The following CADM1 variants were observed in gnomAD, a reference collection of about 807,000 sequenced individuals.
CADM1 encodes the protein cell adhesion molecule 1.
Under a neutral mutation model 53.1 loss-of-function variants are expected in CADM1, and 15 were observed. That is an observed-to-expected ratio of 0.28 (90% CI 0.19 to 0.44). The LOEUF is 0.44. Ranked by LOEUF, CADM1 falls within the 20% of genes least tolerant of loss-of-function variation. The pLI is 1.00. For synonymous variants in CADM1, 281 were observed against 243.0 expected (o/e 1.16, Z -1.45); for missense variants, 434 against 611.3 (o/e 0.71, Z 3.06).
At chr11:115,284,085 A>ACTCTCTCTCTCT (rs1449186377) in intron 1 of CADM1, among the ~76,000 whole-genome samples, 32 of 23,286 alleles carry the variant, frequency 1.4e-3, no homozygotes, top group African/African-American at 4.0e-3. Flanking sequence ...ACAAGCCCAG[A>ACTCTCTCTCTCT]CACTCTCTCT....
At chr11:115,240,548 T>A (rs774219914) in intron 1 of CADM1, 128 bp from the exon 2 acceptor site, 1 of 929,130 alleles carries the variant, frequency 1.1e-6, no homozygotes, top group South Asian at 1.4e-5. Flanking sequence ...AGCATGGCTC[T>A]AATACCTTTC....
intron 1 of CADM1, among the ~76,000 whole-genome samples, chr11:115,302,528 T>C (rs1410215148): frequency 6.6e-6 from 1 of 152,100 alleles, no homozygotes; most frequent in Non-Finnish European, 1.5e-5. Context: ...TTATATTTTC[T>C]AGATTTTGTG....
chr11:115,291,529 C>T (rs1407593571), intron 1 of CADM1, among the ~76,000 whole-genome samples: 4 of 152,184 alleles, frequency 2.6e-5, no homozygotes, highest in East Asian at 1.9e-4. Flanking sequence ...CAATCCACCC[C>T]GCAGCGCTCA....
intron 1 of CADM1, among the ~76,000 whole-genome samples, chr11:115,321,945 G>A (rs2135189637): frequency 6.6e-6 from 1 of 152,256 alleles, no homozygotes; most frequent in South Asian, 2.1e-4. Context: ...TCACAACAGA[G>A]CACTGGCATC....
chr11:115,343,083 T>C (rs1945490151), intron 1 of CADM1, among the ~76,000 whole-genome samples: 1 of 152,202 alleles, frequency 6.6e-6, no homozygotes, highest in Admixed American at 6.5e-5. Flanking sequence ...TTATCTTGTA[T>C]TGTGTCCTTA....
intron 1 of CADM1, among the ~76,000 whole-genome samples, chr11:115,356,891 G>T (rs1158769144): frequency 6.6e-6 from 1 of 152,036 alleles, no homozygotes; most frequent in African/African-American, 2.4e-5. Flanking sequence ...ACCATTCTTT[G>T]TATTCTACAA....
At chr11:115,404,343 AAAAATATATATATATAT>A (rs1197745847) in intron 1 of CADM1, among the ~76,000 whole-genome samples, 19 of 39,882 alleles carry the variant, frequency 4.8e-4, no homozygotes, top group Admixed American at 2.0e-3. Context: ...AAAAAAAAAA[AAAAATATATATATATAT>A]ATATATATAT....
intron 8 of CADM1, among the ~76,000 whole-genome samples, chr11:115,204,323 T>A (rs1328569217): frequency 2.0e-5 from 3 of 152,228 alleles, no homozygotes; most frequent in African/African-American, 7.2e-5. Context: ...CTCCTCAGCA[T>A]CTGCGGCACC....
intron 10 of CADM1, 66 bp from the exon 11 acceptor site, chr11:115,178,841 A>G: frequency 6.4e-7 from 1 of 1,573,236 alleles, no homozygotes; most frequent in Non-Finnish European, 8.7e-7. Flanking sequence ...CCCCGGCGAC[A>G]CTGTCTCCAG....
intron 1 of CADM1, among the ~76,000 whole-genome samples, chr11:115,262,572 A>C (rs1943008218): frequency 6.6e-6 from 1 of 152,210 alleles, no homozygotes; most frequent in Non-Finnish European, 1.5e-5. Context: ...GATACAGTTA[A>C]AAGCAAGCGA....
At chr11:115,336,378 A>G (rs1945267516) in intron 1 of CADM1, among the ~76,000 whole-genome samples, 1 of 152,270 alleles carries the variant, frequency 6.6e-6, no homozygotes, top group African/African-American at 2.4e-5. Flanking sequence ...CCAAGGATCC[A>G]TGGACTGCAC....
At chr11:115,352,227 A>T (rs1447176520) in intron 1 of CADM1, among the ~76,000 whole-genome samples, 1 of 152,182 alleles carries the variant, frequency 6.6e-6, no homozygotes, top group Non-Finnish European at 1.5e-5. Flanking sequence ...TTCATAACAA[A>T]ATTGTGACGG....
intron 1 of CADM1, among the ~76,000 whole-genome samples, chr11:115,463,370 TA>T (rs567113288): frequency 7.2e-5 from 11 of 152,194 alleles, no homozygotes; most frequent in Non-Finnish European, 1.5e-4. Flanking sequence ...AAACATATAA[TA>T]TTTTTATATC....
At chr11:115,316,692 T>C (rs894816119) in intron 1 of CADM1, among the ~76,000 whole-genome samples, 4 of 152,132 alleles carry the variant, frequency 2.6e-5, no homozygotes, top group Non-Finnish European at 4.4e-5. Context: ...TCACCTCTAA[T>C]GCAATGATAC....
chr11:115,182,311 G>A (rs1016477870), intron 10 of CADM1, among the ~76,000 whole-genome samples: 1 of 152,182 alleles, frequency 6.6e-6, no homozygotes, highest in Non-Finnish European at 1.5e-5. Flanking sequence ...CTTCGGTTTA[G>A]AAAGCCATGT....
At chr11:115,211,066 G>C (rs77083410) in intron 7 of CADM1, among the ~76,000 whole-genome samples, 5,557 of 152,232 alleles carry the variant, frequency 0.037, 240 homozygotes, top group Admixed American at 0.12. Context: ...TCTCCTCCAA[G>C]AGGTAAAAAT....
chr11:115,427,531 T>C (rs542704627), intron 1 of CADM1, among the ~76,000 whole-genome samples: 1 of 152,048 alleles, frequency 6.6e-6, no homozygotes, highest in African/African-American at 2.4e-5. Flanking sequence ...AGATGATAGA[T>C]GACAGATAAG....
At chr11:115,432,229 G>A (rs771573318) in intron 1 of CADM1, among the ~76,000 whole-genome samples, 20 of 152,112 alleles carry the variant, frequency 1.3e-4, no homozygotes, top group Non-Finnish European at 2.6e-4. Flanking sequence ...ACAGGCGTGA[G>A]CCACCACACC....
intron 1 of CADM1, among the ~76,000 whole-genome samples, chr11:115,429,240 T>C (rs900218550): frequency 6.6e-5 from 10 of 152,180 alleles, no homozygotes; most frequent in Admixed American, 5.2e-4. Flanking sequence ...CTAAAAAAAA[T>C]AGCACTCTCT....
Sources: allele counts gnomAD v4.1 joint callset (sites outside exome capture counted in the v4.1 genomes callset), GRCh38; gene constraint gnomAD v4.1.1; transcripts MANE v1.5; gene names NCBI Gene and HGNC (gene_info 2026-07-23, HGNC 2026-07-21).